FLT1: variants seen among roughly 807,000 people sequenced by gnomAD.
The protein encoded by FLT1 is vascular endothelial growth factor receptor 1.
Under a neutral mutation model 156.3 loss-of-function variants are expected in FLT1, and 49 were observed. That is an observed-to-expected ratio of 0.31 (90% CI 0.25 to 0.40). The LOEUF (loss-of-function observed/expected upper bound fraction) is 0.40. Among genes scored for constraint, FLT1 ranks in the 10% least tolerant of loss-of-function variants. The pLI, the probability that FLT1 is intolerant of heterozygous loss-of-function variation, is 1.00. For synonymous variants in FLT1, 594 were observed against 583.8 expected, an observed-to-expected ratio of 1.02 and a Z score of -0.25; for missense variants, 1,322 against 1,637.2, an observed-to-expected ratio of 0.81 and a Z score of 3.32.
intron 20 of FLT1, among the ~76,000 whole-genome samples, chr13:28,323,332 G>A (rs1871548694): frequency 6.6e-6 from 1 of 152,192 alleles, no homozygotes; most frequent in African/African-American, 2.4e-5. Context: ...GAGAAGTAAA[G>A]TAATCAAATT....
Position 28,303,340 on chromosome 13 carries a change from A to T in FLT1, c.3844T>A (p.Ser1282Thr). 1 of 1,613,994 alleles carries T rather than the reference A, an allele frequency of 6.2e-7. No homozygotes were observed. The highest frequency in any genetic ancestry group is 8.5e-7 in the Non-Finnish European group (1 of 1,179,980). Residue 1282 changes from serine (S) to threonine (T), a missense_variant, in exon 30 of 30, where the codon TCG becomes ACG. This residue lies in a region of FLT1 where 329 missense variants were observed against 366.2 expected (regional missense o/e 0.90). Transcript: ENST00000282397. ...DLRVTSKSKE[S>T]GLSDVSRPSF... ...GGCCTGCTGACATCAGACAGCCCCG[A>T]CTCCTTACTTTTACTGGTTACTCTC...
intron 3 of FLT1, among the ~76,000 whole-genome samples, chr13:28,466,141 C>T (rs1374255692): frequency 6.6e-6 from 1 of 152,052 alleles, no homozygotes; most frequent in African/African-American, 2.4e-5. Context: ...AAGTGACAGG[C>T]CATTTTTATT....
chr13:28,457,951 T>C (rs1341622133), intron 3 of FLT1, among the ~76,000 whole-genome samples: 1 of 148,520 alleles, frequency 6.7e-6, no homozygotes, highest in East Asian at 1.9e-4. Context: ...TTTTTTTTTT[T>C]TGTGATGGAG....
At chr13:28,376,960 A>C (rs1873865252) in intron 14 of FLT1, among the ~76,000 whole-genome samples, 1 of 152,140 alleles carries the variant, frequency 6.6e-6, no homozygotes, top group Admixed American at 6.5e-5. Context: ...TTCTAAAAGG[A>C]GCTTTGCTGT....
intron 3 of FLT1, among the ~76,000 whole-genome samples, chr13:28,466,074 C>A (rs1488053748): frequency 6.6e-6 from 1 of 151,888 alleles, no homozygotes; most frequent in Non-Finnish European, 1.5e-5. Flanking sequence ...TGTGTGTGTG[C>A]GTTTTTTTCT....
At chr13:28,319,198 G>T (rs906775336) in intron 24 of FLT1, among the ~76,000 whole-genome samples, 40 of 152,130 alleles carry the variant, frequency 2.6e-4, no homozygotes, top group Non-Finnish European at 4.4e-4. Context: ...CCTTTTACAT[G>T]ACCTTGTTCT....
intron 10 of FLT1, among the ~76,000 whole-genome samples, chr13:28,417,341 C>T (rs1876711171): frequency 6.6e-6 from 1 of 151,666 alleles, no homozygotes; most frequent in African/African-American, 2.4e-5. Context: ...ATCTTTGTCC[C>T]TCTCCCCTTC....
Position 28,405,808 on chromosome 13 carries a change from C to A in FLT1, c.1523G>T (p.Arg508Leu), listed in dbSNP as rs765194215. The A allele has an allele frequency of 5.6e-6, 9 of 1,600,656 alleles. No individual in the cohort carries two copies. Among genetic ancestry groups the A allele is most frequent in the East Asian group, 2.2e-5 (1 of 44,820 alleles). ...MGNRIESITQ[R>L]MAIIEGKNKM... ...ATTCTTTCCTTCTATTATTGCCATG[C>A]GCTGAGTGATGCTCTCAATTCTGTT... The change falls in exon 11 of 30, where the codon CGC becomes CTC. Residue 508 changes from arginine (R) to leucine (L), a missense_variant. Around this residue, in one of 3 missense-constraint regions of FLT1, gnomAD observed 991 missense variants for 1,254.8 expected, o/e 0.79. Transcript: ENST00000282397.
chr13:28,331,209 C>T (rs1871917935), intron 18 of FLT1, among the ~76,000 whole-genome samples: 1 of 152,308 alleles, frequency 6.6e-6, no homozygotes, highest in Admixed American at 6.5e-5. Context: ...TAGATACCAA[C>T]ATGGTATTTC....
chr13:28,469,911 C>A (rs944494799), intron 1 of FLT1, among the ~76,000 whole-genome samples: 1 of 151,942 alleles, frequency 6.6e-6, no homozygotes, highest in Admixed American at 6.6e-5. Context: ...GCATCATCAG[C>A]GTGGCTAATT....
chr13:28,444,147 A>G (rs1878480100), intron 3 of FLT1, among the ~76,000 whole-genome samples: 1 of 152,220 alleles, frequency 6.6e-6, no homozygotes, highest in Non-Finnish European at 1.5e-5. Context: ...CCCACTTTCA[A>G]TAGTAGATAG....
intron 3 of FLT1, among the ~76,000 whole-genome samples, chr13:28,442,920 GTAGGACACA>G (rs1878416245): frequency 6.6e-6 from 1 of 152,144 alleles, no homozygotes; most frequent in Non-Finnish European, 1.5e-5. Context: ...TACTACTCCC[GTAGGACACA>G]TCTGTCTTTG....
intron 19 of FLT1, 82 bp downstream of exon 19, chr13:28,329,533 G>A (rs1343429988): frequency 1.0e-6 from 1 of 985,898 alleles, no homozygotes; most frequent in African/African-American, 1.6e-5. Context: ...CACAGTGCGG[G>A]GGAGAAGGAG....
chr13:28,483,076 G>C (rs1013577456), intron 1 of FLT1, among the ~76,000 whole-genome samples: 58 of 152,146 alleles, frequency 3.8e-4, no homozygotes, highest in Non-Finnish European at 1.2e-4. Flanking sequence ...TCTACCAGAA[G>C]TCCTTATGGA....
intron 4 of FLT1, among the ~76,000 whole-genome samples, chr13:28,437,888 T>C (rs1462922958): frequency 6.6e-6 from 1 of 152,244 alleles, no homozygotes; most frequent in Admixed American, 6.5e-5. Context: ...ATCCACTCTC[T>C]GCAAAGTTAT....
intron 15 of FLT1, among the ~76,000 whole-genome samples, chr13:28,348,001 CG>C (rs1872620616): frequency 6.6e-6 from 1 of 152,186 alleles, no homozygotes; most frequent in Admixed American, 6.5e-5. Context: ...CCTTTACAAG[CG>C]CAGATTAATC....
intron 25 of FLT1, among the ~76,000 whole-genome samples, chr13:28,314,006 G>A (rs1182253476): frequency 1.3e-5 from 2 of 151,934 alleles, no homozygotes; most frequent in African/African-American, 4.8e-5. Context: ...AGATCGTCCT[G>A]GACAACATAG....
chr13:28,403,968 G>C (rs1593751720), intron 11 of FLT1, among the ~76,000 whole-genome samples: 1 of 151,876 alleles, frequency 6.6e-6, no homozygotes, highest in African/African-American at 2.4e-5. Flanking sequence ...CTTGAACCCG[G>C]GAGGCAGACG....
chr13:28,322,349 A>G lies in FLT1; in HGVS notation c.2964T>C (p.Gly988=). ...CCATAGTGATGGGCTCCTTGTAGAA[A>G]CCGTCAGAATCTGGAAAGCATTAGA... The part of the protein sequence containing the change: ...SDVEEEEDSD[G]FYKEPITMED... Residue 988 remains glycine (G), a synonymous_variant, in exon 22 of 30, where the codon GGT becomes GGC. Transcript: ENST00000282397. This position sits in a 1 kb window ranked among gnomAD's most constrained non-coding sequence, Gnocchi z 4.3. The G allele has an allele frequency of 6.2e-7, 1 of 1,609,798 alleles. No individual in the cohort carries two copies. Among genetic ancestry groups the G allele is most frequent in the African/African-American group, 1.3e-5 (1 of 74,976 alleles).
Sources: allele counts gnomAD v4.1 joint callset (sites outside exome capture counted in the v4.1 genomes callset), GRCh38; gene constraint gnomAD v4.1.1; regional missense constraint gnomAD v4.1.1; non-coding constraint Gnocchi (gnomAD v3.1); transcripts MANE v1.5; gene names NCBI Gene and HGNC (gene_info 2026-07-23, HGNC 2026-07-21).